The following DPH6 variants were observed in gnomAD, a reference collection of about 807,000 sequenced individuals.
The protein encoded by DPH6 is diphthamine biosynthesis 6.
DPH6 carries 33 observed loss-of-function variants against 38.2 expected under a neutral mutation model. That is an observed-to-expected ratio of 0.86 (90% CI 0.65 to 1.15). The LOEUF (loss-of-function observed/expected upper bound fraction) is 1.15, where lower values mean the gene tolerates loss of function less well. Ranked by LOEUF, DPH6 falls within the 50% of genes most tolerant of loss-of-function variation. The probability of loss-of-function intolerance (pLI) is 0.00; values close to 1 mark genes in which losing one functional copy is unlikely to be tolerated. For synonymous variants in DPH6, 108 were observed against 103.0 expected, an observed-to-expected ratio of 1.05 and a Z score of -0.30; for missense variants, 325 against 320.0, an observed-to-expected ratio of 1.02 and a Z score of -0.12.
intron 3 of DPH6, among the ~76,000 whole-genome samples, chr15:35,256,312 G>A (rs577097960): frequency 6.6e-6 from 1 of 152,230 alleles, no homozygotes; most frequent in South Asian, 2.1e-4. Context: ...GACGGTGACT[G>A]TTTCTGAGTT....
intron 5 of DPH6, among the ~76,000 whole-genome samples, chr15:35,413,927 C>A (rs533698491): frequency 6.6e-6 from 1 of 151,728 alleles, no homozygotes; most frequent in African/African-American, 2.4e-5. Context: ...TTCGGATAAT[C>A]ATCTGTGATT....
At chr15:35,475,966 A>G (rs538847261) in intron 3 of DPH6, among the ~76,000 whole-genome samples, 4 of 152,036 alleles carry the variant, frequency 2.6e-5, no homozygotes, top group African/African-American at 7.2e-5. Context: ...AAAAGAACAA[A>G]AATATTTTTA....
intron 3 of DPH6, among the ~76,000 whole-genome samples, chr15:35,359,253 C>G (rs904719624): frequency 6.6e-6 from 1 of 152,124 alleles, no homozygotes; most frequent in African/African-American, 2.4e-5. Flanking sequence ...ACCCCCCAGA[C>G]TGTTTCTAGG....
At chr15:35,298,131 C>T (rs78517473) in intron 3 of DPH6, 3 of 345,600 alleles carry the variant, frequency 8.7e-6, no homozygotes, top group Non-Finnish European at 1.7e-5. Context: ...TCTTACAAGT[C>T]CCTCCAAGAG....
intron 5 of DPH6, among the ~76,000 whole-genome samples, chr15:35,439,745 T>C (rs541088668): frequency 3.0e-4 from 45 of 151,492 alleles, no homozygotes; most frequent in African/African-American, 1.1e-3. Context: ...TCATAGTCAT[T>C]AAAGTGTACA....
At chr15:35,299,533 G>GGC (rs1026769005) in intron 3 of DPH6, 1 of 599,758 alleles carries the variant, frequency 1.7e-6, no homozygotes, top group African/African-American at 1.9e-5. Context: ...AGCCAACGGC[G>GGC]GCACCACCCT....
chr15:35,373,375 T>C (rs575873778), intron 8 of DPH6, 146 bp downstream of exon 8: 11 of 592,940 alleles, frequency 1.9e-5, no homozygotes, highest in Non-Finnish European at 3.1e-5. Flanking sequence ...TTCTTAGTTA[T>C]TGACTGAGGA....
chr15:35,334,917 C>T (rs2052357263), intron 3 of DPH6, among the ~76,000 whole-genome samples: 1 of 152,080 alleles, frequency 6.6e-6, no homozygotes, highest in Non-Finnish European at 1.5e-5. Flanking sequence ...GGTATATACT[C>T]AGTAATGGTA....
At chr15:35,170,813 G>C in the DPH6 span, among the ~76,000 whole-genome samples, 1 of 152,122 alleles carries the variant, frequency 6.6e-6, no homozygotes, top group Non-Finnish European at 1.5e-5. Flanking sequence ...CTCATTGACT[G>C]GATAGGGGGC....
intron 3 of DPH6, among the ~76,000 whole-genome samples, chr15:35,295,074 C>T (rs1421030689): frequency 6.6e-6 from 1 of 152,164 alleles, no homozygotes; most frequent in Non-Finnish European, 1.5e-5. Context: ...TTAACTAACA[C>T]ACAACGATCT....
In DPH6 at chr15:35,247,937, T is replaced by C. The variant is rs72707095; in HGVS notation, n.201-27355A>G. On this transcript the variant is annotated intron_variant and non_coding_transcript_variant, in intron 3 of 3. Coordinates refer to the DPH6 transcript ENST00000560386. ...CCAAGCCTGGAACCCTGATTAACTG[T>C]CTAACAATTAAATTTTACTGATTTA... 1.6e-3 allele frequency among the ~76,000 whole-genome samples: 243 copies of C among 152,304 alleles called. 1 individual carries two copies. The highest frequency in any genetic ancestry group is 4.0e-3 in the East Asian group (21 of 5,188).
chr15:35,432,877 C>T (rs149021706), intron 5 of DPH6, among the ~76,000 whole-genome samples: 7 of 152,124 alleles, frequency 4.6e-5, no homozygotes, highest in Admixed American at 6.5e-5. Flanking sequence ...GTTAGGAGGA[C>T]GGTGAGGGTC....
chr15:35,200,545 AT>A, the DPH6 span, among the ~76,000 whole-genome samples: 1 of 152,210 alleles, frequency 6.6e-6, no homozygotes, highest in African/African-American at 2.4e-5. Flanking sequence ...TTAGTCAAAT[AT>A]TTACTGCATG....
intron 3 of DPH6, chr15:35,522,324 T>C: frequency 6.3e-7 from 1 of 1,585,144 alleles, no homozygotes; most frequent in Non-Finnish European, 8.6e-7. Flanking sequence ...AGGTTTAGGA[T>C]TGACCAGAAA....
chr15:35,237,882 TGGA>T, intron 3 of DPH6: 2 of 1,464,416 alleles, frequency 1.4e-6, no homozygotes, highest in Non-Finnish European at 1.9e-6. Flanking sequence ...GCTCAGGTAG[TGGA>T]GGACGAGGAG....
rs940101589 is a variant in DPH6 at position 35,317,471 on chromosome 15, AAG to A, written n.200+56048_200+56049del. On this transcript the variant is annotated intron_variant and non_coding_transcript_variant, in intron 3 of 3. Coordinates refer to the DPH6 transcript ENST00000560386. ...AGAAAAAGAAGGAAAGAAAGAAAGA[AAG>A]AAAGATACTCTCCAAACAAGAAGGC... Among the ~76,000 whole-genome samples the A allele has an allele frequency of 6.6e-5, 10 of 151,862 alleles. 1 individual carries two copies. In the East Asian group the frequency reaches 1.7e-3, roughly 26 times the overall value.
At chr15:35,369,942 A>G (rs1158086078), downstream of DPH6, among the ~76,000 whole-genome samples, 1 of 151,838 alleles carries the variant, frequency 6.6e-6, no homozygotes, top group African/African-American at 2.4e-5. Context: ...AAAAAGTTGG[A>G]AGACAAACAC....
At chr15:35,476,924 C>T (rs2054270731) in intron 3 of DPH6, among the ~76,000 whole-genome samples, 1 of 151,672 alleles carries the variant, frequency 6.6e-6, no homozygotes, top group African/African-American at 2.4e-5. Context: ...TATTTTCTTT[C>T]CATGGAAACC....
intron 3 of DPH6, among the ~76,000 whole-genome samples, chr15:35,461,088 T>C (rs1234623679): frequency 1.3e-5 from 2 of 152,130 alleles, no homozygotes; most frequent in Non-Finnish European, 2.9e-5. Flanking sequence ...TATTTATTCA[T>C]TTATTTATTT....
Sources: gnomAD v4.1 joint callset for allele counts (sites outside exome capture counted in the v4.1 genomes callset) on GRCh38, gnomAD v4.1.1 for gene constraint, MANE v1.5 for transcripts, NCBI Gene and HGNC (gene_info 2026-07-23, HGNC 2026-07-21) for gene names.